Variants in DCAF8 observed in about 807,000 individuals in gnomAD.
DCAF8 encodes the protein DDB1 and CUL4 associated factor 8.
DCAF8 carries 20 observed loss-of-function variants against 68.0 expected under a neutral mutation model. The ratio of observed to expected loss-of-function variants is 0.29; its 90% CI spans 0.21 to 0.43. The LOEUF (loss-of-function observed/expected upper bound fraction) is 0.43, where lower values mean the gene tolerates loss of function less well. Ranked by LOEUF, DCAF8 falls within the 20% of genes least tolerant of loss-of-function variation. The pLI is 1.00. For missense variants in DCAF8, 460 were observed against 771.0 expected (o/e 0.60, Z 4.78); for synonymous variants, 230 against 276.9 (o/e 0.83, Z 1.68).
chr1:160,221,376 A>T (rs1655288995), intron 11 of DCAF8, among the ~76,000 whole-genome samples: 1 of 152,234 alleles, frequency 6.6e-6, no homozygotes, highest in Non-Finnish European at 1.5e-5. Context: ...TTGGAAATGA[A>T]GCAGGGAAGA....
chr1:160,242,203 C>T (rs1488228080), intron 3 of DCAF8, among the ~76,000 whole-genome samples: 1 of 151,258 alleles, frequency 6.6e-6, no homozygotes, highest in East Asian at 1.9e-4. Flanking sequence ...CGAGATTGTG[C>T]CACCGTACTC....
intron 13 of DCAF8, 162 bp from the exon 14 acceptor site, chr1:160,217,870 T>C (rs773884168): frequency 3.4e-6 from 2 of 583,058 alleles, no homozygotes; most frequent in Non-Finnish European, 6.1e-6. Context: ...ATGGTCTTTA[T>C]TGCAACTATT....
At chr1:160,217,830 G>C (rs1655174855) in intron 13 of DCAF8, 122 bp from the exon 14 acceptor site, 1 of 710,172 alleles carries the variant, frequency 1.4e-6, no homozygotes, top group Admixed American at 2.3e-5. Context: ...TAAAGGGCCA[G>C]AGAGTAAATA....
At chr1:160,225,689 G>A (rs1351331582) in intron 7 of DCAF8, 26 bp from the exon 8 acceptor site, 2 of 1,595,230 alleles carry the variant, frequency 1.3e-6, no homozygotes, top group Middle Eastern at 1.7e-4. Context: ...CAATGAAAAT[G>A]TAAAAATGTA....
At chr1:160,224,687 C>G in intron 9 of DCAF8, 138 bp from the exon 10 acceptor site, 2 of 675,282 alleles carry the variant, frequency 3.0e-6, no homozygotes, top group East Asian at 2.7e-5. Flanking sequence ...ATTTGGAACA[C>G]CAGGCAAGTC....
chr1:160,236,167 A>G (rs1655866805), intron 6 of DCAF8, among the ~76,000 whole-genome samples: 1 of 152,204 alleles, frequency 6.6e-6, no homozygotes, highest in Non-Finnish European at 1.5e-5. Flanking sequence ...AAGAGCAATA[A>G]AAATGAAAAA....
intron 5 of DCAF8, among the ~76,000 whole-genome samples, chr1:160,237,535 C>CT (rs141703364): frequency 0.016 from 2,407 of 152,036 alleles, 63 homozygotes; most frequent in African/African-American, 0.049. Flanking sequence ...AGTTCATTTT[C>CT]TTTTTTTTCC....
At chr1:160,225,763 A>G (rs1333724859) in intron 7 of DCAF8, 100 bp from the exon 8 acceptor site, 1 of 881,012 alleles carries the variant, frequency 1.1e-6, no homozygotes, top group African/African-American at 1.7e-5. Flanking sequence ...CTGGATGCAG[A>G]TAAACAACAT....
At chr1:160,260,076 A>G (rs1657023597) in intron 2 of DCAF8, among the ~76,000 whole-genome samples, 4 of 148,834 alleles carry the variant, frequency 2.7e-5, no homozygotes, top group African/African-American at 7.8e-5. Flanking sequence ...AAGCTGTATC[A>G]ATGATGTGCA....
rs1657148550 is a variant in DCAF8, at chr1:160,262,484, C to T, written c.-136G>A. On this transcript the variant is annotated 5_prime_UTR_variant, in exon 1 of 14. Coordinates refer to ENST00000368074, the MANE Select transcript of DCAF8 (RefSeq NM_015726.4). Reference sequence around the variant, plus strand: ...GGCCGCCACCACCACCGCCTCCGCTCTCTGCGCTTGCGCCTGCGCTGCCAC... The same window carrying T: ...GGCCGCCACCACCACCGCCTCCGCTTTCTGCGCTTGCGCCTGCGCTGCCAC... 7 of 400,886 alleles carry T rather than the reference C, an allele frequency of 1.7e-5. No individual in the cohort carries two copies. The highest frequency in any genetic ancestry group is 2.5e-4 in the South Asian group (2 of 7,930). 24.8% of individuals were successfully genotyped at this position (400,886 alleles called of 1,614,324 possible). A position where few individuals can be genotyped will look rare whatever the true frequency, so the allele number is the denominator to read the frequency against.
chr1:160,223,218 G>A (rs926337234), intron 10 of DCAF8, among the ~76,000 whole-genome samples: 4 of 152,146 alleles, frequency 2.6e-5, no homozygotes, highest in Non-Finnish European at 4.4e-5. Context: ...CAACTGCCTC[G>A]AGAAGCAAGT....
chr1:160,255,069 C>T (rs1024463636), intron 2 of DCAF8, among the ~76,000 whole-genome samples: 4 of 152,200 alleles, frequency 2.6e-5, no homozygotes, highest in Admixed American at 2.6e-4. Flanking sequence ...AATCCTGGAC[C>T]TCTTTACCAC....
intron 2 of DCAF8, among the ~76,000 whole-genome samples, chr1:160,248,882 A>G (rs1656465672): frequency 1.3e-5 from 2 of 150,462 alleles, no homozygotes; most frequent in South Asian, 4.2e-4. Context: ...TACGCAACAG[A>G]GTGACACCAT....
intron 12 of DCAF8, 61 bp downstream of exon 12, chr1:160,218,788 A>G (rs1296198592): frequency 1.8e-5 from 29 of 1,602,742 alleles, no homozygotes; most frequent in Non-Finnish European, 2.3e-5. Flanking sequence ...CCCTATGACA[A>G]TAAGAATCAA....
chr1:160,248,222 G>A (rs1056589832), intron 2 of DCAF8, among the ~76,000 whole-genome samples: 7 of 151,874 alleles, frequency 4.6e-5, no homozygotes, highest in East Asian at 3.9e-4. Flanking sequence ...CAAGAGAATC[G>A]CTGGAACCCA....
At chr1:160,226,645 A>G (rs1237328548) in intron 7 of DCAF8, among the ~76,000 whole-genome samples, 1 of 152,176 alleles carries the variant, frequency 6.6e-6, no homozygotes, top group Non-Finnish European at 1.5e-5. Flanking sequence ...CCAGCTGGCC[A>G]CTTTCTAAAA....
At chr1:160,225,289 T>C (rs1391539470) in intron 8 of DCAF8, among the ~76,000 whole-genome samples, 170 bp from the exon 9 acceptor site, 1 of 152,118 alleles carries the variant, frequency 6.6e-6, no homozygotes, top group Non-Finnish European at 1.5e-5. Context: ...GGGGGTAGCA[T>C]CTTGGGGCTT....
chr1:160,260,715 AT>A (rs33929285), intron 2 of DCAF8, among the ~76,000 whole-genome samples: 13,973 of 140,128 alleles, frequency 0.1, 1,751 homozygotes, highest in African/African-American at 0.3. Flanking sequence ...AGCAGCCACT[AT>A]TTTTTTTTTT....
chr1:160,260,052 G>A (rs767837298), intron 2 of DCAF8, among the ~76,000 whole-genome samples: 4 of 150,188 alleles, frequency 2.7e-5, no homozygotes, highest in African/African-American at 4.9e-5. Context: ...ATAAATTAAC[G>A]TATAACTTAT....
Sources: gnomAD v4.1 joint callset for allele counts (sites outside exome capture counted in the v4.1 genomes callset) on GRCh38, gnomAD v4.1.1 for gene constraint, MANE v1.5 for transcripts, NCBI Gene and HGNC (gene_info 2026-07-23, HGNC 2026-07-21) for gene names.